The following FAM98B variants were observed in gnomAD, a reference collection of about 807,000 sequenced individuals.
The protein encoded by FAM98B is tRNA splicing ligase complex subunit 3B.
In FAM98B, 32 loss-of-function variants were observed where a neutral mutation model predicts 43.9. That is an observed-to-expected ratio of 0.73 (90% CI 0.55 to 0.98). The LOEUF (loss-of-function observed/expected upper bound fraction) is 0.98, where lower values mean the gene tolerates loss of function less well. Ranked by LOEUF, FAM98B falls within the 50% of genes least tolerant of loss-of-function variation. The pLI, the probability that FAM98B is intolerant of heterozygous loss-of-function variation, is 0.00. For missense variants in FAM98B, 514 were observed against 522.9 expected (o/e 0.98, Z 0.17); for synonymous variants, 190 against 174.0 (o/e 1.09, Z -0.72).
Position 38,470,285 on chromosome 15 carries a change from T to C in FAM98B, c.411T>C (p.Asn137=). ...TATTACAGAACAAGAAACATAAAAATTCTCAATTAGATAAAAATAGTGAAG... is the reference window on the plus strand; with the variant it reads ...TATTACAGAACAAGAAACATAAAAACTCTCAATTAGATAAAAATAGTGAAG... The part of the protein sequence containing the change: ...SQILQNKKHK[N]SQLDKNSEVY... Residue 137 remains asparagine (N), a synonymous_variant, in exon 4 of 8, where the codon AAT becomes AAC. Transcript: ENST00000397609. The C allele has an allele frequency of 6.3e-7, 1 of 1,590,306 alleles. No individual in the cohort carries two copies.
rs1431269646 is a variant in FAM98B, at chr15:38,480,797, A to G, written c.730-495A>G. On this transcript the variant is annotated intron_variant, in intron 6 of 7. Coordinates refer to ENST00000397609, the MANE Select transcript of FAM98B (RefSeq NM_173611.4). ...TCAAAATGCTTTTAGTTATTCTTACATATTGAGTTTCTGGATTTAACTTTA... is the reference window on the plus strand; with the variant it reads ...TCAAAATGCTTTTAGTTATTCTTACGTATTGAGTTTCTGGATTTAACTTTA... Among the ~76,000 whole-genome samples the G allele has an allele frequency of 2.6e-5, 4 of 152,102 alleles. No individual in the cohort carries two copies. The East Asian group carries it at 7.7e-4, about 29-fold the overall frequency.
At chr15:38,460,993 G>T (rs975111413) in intron 1 of FAM98B, among the ~76,000 whole-genome samples, 1 of 152,068 alleles carries the variant, frequency 6.6e-6, no homozygotes, top group Admixed American at 6.5e-5. Flanking sequence ...TAGATGGTCA[G>T]GTATGTTAAA....
chr15:38,460,189 A>T (rs1889925437), intron 1 of FAM98B, among the ~76,000 whole-genome samples: 1 of 152,208 alleles, frequency 6.6e-6, no homozygotes, highest in Non-Finnish European at 1.5e-5. Context: ...AGTGTTTGGA[A>T]TAACAGTAGC....
At chr15:38,475,552 G>C (rs770502341) in intron 6 of FAM98B, among the ~76,000 whole-genome samples, 1 of 152,112 alleles carries the variant, frequency 6.6e-6, no homozygotes, top group Admixed American at 6.5e-5. Context: ...CCTCTCTTCA[G>C]AGCCAGTAGC....
chr15:38,482,525 G>T (rs897360749), intron 7 of FAM98B: 1 of 152,204 alleles, frequency 6.6e-6, no homozygotes, highest in Non-Finnish European at 1.5e-5. Flanking sequence ...AAGAAAGGCT[G>T]TTTTTTGGAT....
intron 6 of FAM98B, among the ~76,000 whole-genome samples, chr15:38,480,661 T>A (rs537212676): frequency 6.6e-6 from 1 of 152,274 alleles, no homozygotes; most frequent in East Asian, 1.9e-4. Context: ...AAATAATGCC[T>A]TACTAAGTGA....
rs1595807152 is a variant in FAM98B, at chr15:38,486,373, A to G, written c.*1714A>G. 6.6e-6 allele frequency: 1 copy of G among 152,296 alleles called. No individual in the cohort carries two copies. The highest frequency in any genetic ancestry group is 1.9e-4 in the East Asian group (1 of 5,190). The allele number at this position is 152,296 out of a possible 1,614,324, so 9.4% of individuals were successfully genotyped here. A position where few individuals can be genotyped will look rare whatever the true frequency, so the allele number is the denominator to read the frequency against. On this transcript the variant is annotated 3_prime_UTR_variant, in exon 8 of 8. Coordinates refer to ENST00000397609, the MANE Select transcript of FAM98B (RefSeq NM_173611.4). ...TTTTAAGAAAAAAACTACTTGAGTA[A>G]AATATTTCAAGAGTTGTTTAAAAAT...
At chr15:38,469,829 CT>C (rs1340125889) in intron 3 of FAM98B, among the ~76,000 whole-genome samples, 1 of 151,274 alleles carries the variant, frequency 6.6e-6, no homozygotes, top group Non-Finnish European at 1.5e-5. Context: ...TTAAACCTCT[CT>C]AGGTAAAGTA....
At chr15:38,470,450 A>T in intron 4 of FAM98B, 45 bp downstream of exon 4, 2 of 1,478,380 alleles carry the variant, frequency 1.4e-6, no homozygotes, top group Non-Finnish European at 1.8e-6. Flanking sequence ...CTGAATGGTA[A>T]CATGTAAGTG....
chr15:38,470,322 G>A lies in FAM98B; in HGVS notation c.448G>A (p.Val150Ile). ...LDKNSEVYQE[V>I]QAMFDTLGIP... is the part of the protein sequence containing the mutation. The stretch of plus-strand genomic sequence containing the variant: ...TAAAAATAGTGAAGTTTATCAGGAA[G>A]TTCAAGCTATGTTTGATACACTTGG... The change falls in exon 4 of 8, where the codon GTT becomes ATT. Residue 150 changes from valine (V) to isoleucine (I), a missense_variant. Transcript: ENST00000397609. 2.5e-6 allele frequency: 4 copies of A among 1,607,830 alleles called. No homozygotes were observed. In the East Asian group the frequency reaches 6.7e-5, roughly 27 times the overall value.
rs1890386002 is a variant in FAM98B at position 38,486,986 on chromosome 15, C to T, written c.*2327C>T. On this transcript the variant is annotated 3_prime_UTR_variant, in exon 8 of 8. Transcript: ENST00000397609. ...TTTTCATTCTTTTTTGCCTGGTTCTCAATTTCATTTTTTAATTACCTCATT... is the reference window on the plus strand; with the variant it reads ...TTTTCATTCTTTTTTGCCTGGTTCTTAATTTCATTTTTTAATTACCTCATT... The T allele has an allele frequency of 6.6e-6, 1 of 152,032 alleles. No homozygotes were observed. Among genetic ancestry groups the T allele is most frequent in the African/African-American group, 2.4e-5 (1 of 41,414 alleles). 9.4% of individuals were successfully genotyped at this position (152,032 alleles called of 1,614,324 possible). A position where few individuals can be genotyped will look rare whatever the true frequency, so the allele number is the denominator to read the frequency against.
rs1890378828 is a variant in FAM98B, at chr15:38,486,692, T to TAA, written c.*2034_*2035dup. The TAA allele has an allele frequency of 6.6e-6, 1 of 152,140 alleles. No individual in the cohort carries two copies. The highest frequency in any genetic ancestry group is 2.4e-5 in the African/African-American group (1 of 41,448). The allele number at this position is 152,140 out of a possible 1,614,324, so 9.4% of individuals were successfully genotyped here. A position where few individuals can be genotyped will look rare whatever the true frequency, so the allele number is the denominator to read the frequency against. ...CCTATGTACACATTCCTATAAACCTTAATTGAATGAAAAGCTGAATCAGGT... is the reference window on the plus strand; with the variant it reads ...CCTATGTACACATTCCTATAAACCTTAAAATTGAATGAAAAGCTGAATCAGGT... On this transcript the variant is annotated 3_prime_UTR_variant, in exon 8 of 8. Coordinates refer to ENST00000397609, the MANE Select transcript of FAM98B (RefSeq NM_173611.4).
chr15:38,459,059 G>T, intron 1 of FAM98B: 1 of 340,586 alleles, frequency 2.9e-6, no homozygotes. Context: ...TGGCATACTT[G>T]GCCAGGTTGG....
rs745654943 is a variant in FAM98B, at chr15:38,487,365, G to A, written c.*2706G>A. 2.6e-5 allele frequency: 4 copies of A among 152,134 alleles called. No homozygotes were observed. Among genetic ancestry groups the A allele is most frequent in the Non-Finnish European group, 5.9e-5 (4 of 67,966 alleles). 9.4% of individuals were successfully genotyped at this position (152,134 alleles called of 1,614,324 possible). A position where few individuals can be genotyped will look rare whatever the true frequency, so the allele number is the denominator to read the frequency against. ...TGACCAGAAAAATGTCCTGAGCAGT[G>A]ATACTATCTATACCTTGGAAGGAGC... On this transcript the variant is annotated 3_prime_UTR_variant, in exon 8 of 8. Coordinates refer to ENST00000397609, the MANE Select transcript of FAM98B (RefSeq NM_173611.4).
chr15:38,484,443 AGGAGGAGGTTGG>A lies in FAM98B; in HGVS notation c.1092_1103del (p.Trp366_Gly369del). 1 of 429,662 alleles carries A rather than the reference AGGAGGAGGTTGG, an allele frequency of 2.3e-6. No homozygotes were observed. Among genetic ancestry groups the A allele is most frequent in the Non-Finnish European group, 2.6e-6 (1 of 378,286 alleles). The allele number at this position is 429,662 out of a possible 1,614,324, so 26.6% of individuals were successfully genotyped here. A position where few individuals can be genotyped will look rare whatever the true frequency, so the allele number is the denominator to read the frequency against. The stretch of plus-strand genomic sequence containing the variant: ...GTGGGAGAGGTGGCTGGGGGGGTGG[AGGAGGAGGTTGG>A]GGAGGTGGTGGGGGAGGGGGAGGAG... On this transcript the variant is annotated inframe_deletion, in exon 8 of 8. Coordinates refer to ENST00000397609, the MANE Select transcript of FAM98B (RefSeq NM_173611.4).
chr15:38,474,691 G>A (rs1474908408), intron 6 of FAM98B, among the ~76,000 whole-genome samples: 2 of 152,128 alleles, frequency 1.3e-5, no homozygotes, highest in African/African-American at 4.8e-5. Context: ...TATAGAATGT[G>A]TTTCAGTTGA....
intron 3 of FAM98B, among the ~76,000 whole-genome samples, chr15:38,469,736 T>G (rs956847899): frequency 2.6e-5 from 4 of 152,104 alleles, no homozygotes; most frequent in Non-Finnish European, 5.9e-5. Flanking sequence ...CCTGGTAGTA[T>G]TAAATAAATT....
chr15:38,455,534 G>A (rs183267524), intron 1 of FAM98B, among the ~76,000 whole-genome samples: 34 of 152,312 alleles, frequency 2.2e-4, no homozygotes, highest in African/African-American at 7.7e-4. Flanking sequence ...ATACATATTT[G>A]TCAAACGAAA....
In FAM98B at chr15:38,484,657, TA is replaced by T; in HGVS notation, c.*3del. ...GGGGGGYRRY* is the reference protein window; with the variant it reads ...GGGGGGYRRYX ...TGGAGGAGGTGGATATAGAAGATAC[TA>T]AAAACTATAAAAATTAGATAGCAGT... On this transcript the variant is annotated frameshift_variant and stop_lost, in exon 8 of 8. Coordinates refer to ENST00000397609, the MANE Select transcript of FAM98B (RefSeq NM_173611.4). LOFTEE classifies it high-confidence loss of function. 1 of 1,512,152 alleles carries T rather than the reference TA, an allele frequency of 6.6e-7. No homozygotes were observed. The highest frequency in any genetic ancestry group is 8.8e-7 in the Non-Finnish European group (1 of 1,136,566). The allele number at this position is 1,512,152 out of a possible 1,614,324, so 93.7% of individuals were successfully genotyped here. A position where few individuals can be genotyped will look rare whatever the true frequency, so the allele number is the denominator to read the frequency against.
Sources: allele counts gnomAD v4.1 joint callset (sites outside exome capture counted in the v4.1 genomes callset), GRCh38; gene constraint gnomAD v4.1.1; transcripts MANE v1.5; gene names NCBI Gene and HGNC (gene_info 2026-07-23, HGNC 2026-07-21).